The following ZZZ3 variants were observed in gnomAD, a reference collection of about 807,000 sequenced individuals.
ZZZ3 encodes ZZ-type zinc finger-containing protein 3.
Under a neutral mutation model 95.2 loss-of-function variants are expected in ZZZ3, and 22 were observed. The observed-to-expected ratio is 0.23, with a 90% CI of 0.17 to 0.33. The LOEUF is 0.33. ZZZ3 is among the 10% of genes least tolerant of loss of function. ZZZ3 has a pLI of 1.00. For missense variants in ZZZ3, 885 were observed against 1,066.5 expected (o/e 0.83, Z 2.37); for synonymous variants, 335 against 358.9 (o/e 0.93, Z 0.75).
At chr1:77,658,750 G>C (rs1469424656) in intron 1 of ZZZ3, among the ~76,000 whole-genome samples, 1 of 152,012 alleles carries the variant, frequency 6.6e-6, no homozygotes, top group African/African-American at 2.4e-5. Context: ...AGCTGCTTCT[G>C]ATATTATACT....
chr1:77,569,499 A>G (rs1661158676), intron 12 of ZZZ3, among the ~76,000 whole-genome samples: 1 of 152,200 alleles, frequency 6.6e-6, no homozygotes, highest in Admixed American at 6.5e-5. Flanking sequence ...AAGTATTAAC[A>G]TGCAAAATTT....
At chr1:77,650,119 G>A (rs1669670147) in intron 1 of ZZZ3, among the ~76,000 whole-genome samples, 1 of 151,820 alleles carries the variant, frequency 6.6e-6, no homozygotes, top group Admixed American at 6.6e-5. Context: ...AAAAGCAGAT[G>A]AACAGAGAAA....
Position 77,563,626 on chromosome 1 carries a change from T to C in ZZZ3, c.*2014A>G, listed in dbSNP as rs1660595217. 1 of 152,224 alleles carries C rather than the reference T, an allele frequency of 6.6e-6. No individual in the cohort carries two copies. 9.4% of individuals were successfully genotyped at this position (152,224 alleles called of 1,614,324 possible). The stretch of plus-strand genomic sequence containing the variant: ...GAATTTTTGAATGGATCTGAATGGC[T>C]TTCCAAAACTAACTGGTATTATTTC... On this transcript the variant is annotated 3_prime_UTR_variant, in exon 15 of 15. Coordinates refer to ENST00000370801, the MANE Select transcript of ZZZ3 (RefSeq NM_015534.6).
intron 5 of ZZZ3, among the ~76,000 whole-genome samples, chr1:77,631,149 G>T (rs1257184873): frequency 6.6e-6 from 1 of 152,118 alleles, no homozygotes; most frequent in Admixed American, 6.5e-5. Context: ...GAAAAATTTG[G>T]ATACAGAATT....
intron 5 of ZZZ3, among the ~76,000 whole-genome samples, chr1:77,593,644 C>A (rs899834842): frequency 6.6e-6 from 1 of 152,020 alleles, no homozygotes; most frequent in Non-Finnish European, 1.5e-5. Flanking sequence ...TATTTCTTAA[C>A]CTGGATAGTG....
intron 5 of ZZZ3, among the ~76,000 whole-genome samples, chr1:77,588,354 A>G (rs1663316352): frequency 6.6e-6 from 1 of 152,186 alleles, no homozygotes; most frequent in African/African-American, 2.4e-5. Flanking sequence ...GTGGAGCTGC[A>G]ATGTGAGGAA....
At position 77,632,561 on chromosome 1, in the gene ZZZ3, T is replaced by A. The variant is rs773572199; in HGVS notation, c.794A>T (p.Lys265Met). 1 of 1,614,188 alleles carries A rather than the reference T, an allele frequency of 6.2e-7. No homozygotes were observed. The highest frequency in any genetic ancestry group is 1.1e-5 in the South Asian group (1 of 91,076). The change falls in exon 5 of 15, where the codon AAG (lysine) becomes ATG (methionine). Residue 265 changes from lysine (K) to methionine (M), a missense_variant. Physicochemically the swap from Lys to Met is moderately conservative, Grantham distance 95. This residue lies in a region of ZZZ3 where 556 missense variants were observed against 652.9 expected (regional missense o/e 0.85). Transcript: ENST00000370801. ...CACTTGTGAATCTGTGCAAGGCACC[T>A]TATGGTCTATATAACTGTCCTCCTT... ...SRKEDSYIDH[K>M]VPCTDSQVQV...
At position 77,565,367 on chromosome 1, in the gene ZZZ3, C is replaced by T. The variant is rs767962188; in HGVS notation, c.*273G>A. 13 of 329,826 alleles carry T rather than the reference C, an allele frequency of 3.9e-5. No homozygotes were observed. The highest frequency in any genetic ancestry group is 3.2e-4 in the East Asian group (6 of 18,486). 20.4% of individuals were successfully genotyped at this position (329,826 alleles called of 1,614,324 possible). ...TTACTCTCTCTTTAATGTGTGCTCT[C>T]GTTCCATCTCACCCATTTAAGATCA... is the stretch of plus-strand genomic sequence containing the variant. On this transcript the variant is annotated 3_prime_UTR_variant, in exon 15 of 15. Coordinates refer to ENST00000370801, the MANE Select transcript of ZZZ3 (RefSeq NM_015534.6).
intron 4 of ZZZ3, among the ~76,000 whole-genome samples, chr1:77,634,366 G>A (rs2100860243): frequency 6.6e-6 from 1 of 151,816 alleles, no homozygotes; most frequent in Non-Finnish European, 1.5e-5. Flanking sequence ...ATAATAATCT[G>A]GCATCCAAAA....
chr1:77,656,657 T>G (rs1670294510), intron 1 of ZZZ3, among the ~76,000 whole-genome samples: 1 of 152,208 alleles, frequency 6.6e-6, no homozygotes, highest in African/African-American at 2.4e-5. Context: ...TTCTTGAATT[T>G]GTACTGTCTT....
In ZZZ3 at chr1:77,626,698, T is replaced by C. The variant is rs189762192; in HGVS notation, c.1505+5152A>G. Among the ~76,000 whole-genome samples the C allele has an allele frequency of 3.0e-3, 453 of 152,260 alleles. 3 individuals carry two copies. Among genetic ancestry groups the C allele is most frequent in the African/African-American group, 0.011 (439 of 41,544 alleles). On this transcript the variant is annotated intron_variant, in intron 5 of 14. Transcript: ENST00000370801. ...TAATCTTTGTGCCAGACCAGAGGGGTAAATCCGGCTATTATTCTACAGCCT... is the reference window on the plus strand; with the variant it reads ...TAATCTTTGTGCCAGACCAGAGGGGCAAATCCGGCTATTATTCTACAGCCT...
chr1:77,673,535 C>T (rs192465743), intron 1 of ZZZ3, among the ~76,000 whole-genome samples: 2 of 152,004 alleles, frequency 1.3e-5, no homozygotes, highest in African/African-American at 4.8e-5. Flanking sequence ...AGCTGGAGGT[C>T]GCAGTGAGCT....
At chr1:77,611,251 C>A (rs12039366) in intron 5 of ZZZ3, among the ~76,000 whole-genome samples, 72,975 of 113,020 alleles carry the variant, frequency 0.65, 23,316 homozygotes, top group Non-Finnish European at 0.74. Context: ...AAAAAAAAAA[C>A]AACCCACATG....
chr1:77,664,753 A>G (rs952356731), intron 1 of ZZZ3, among the ~76,000 whole-genome samples: 4 of 152,232 alleles, frequency 2.6e-5, no homozygotes, highest in Admixed American at 6.5e-5. Context: ...ATGGACAACA[A>G]AAAGTACCTT....
chr1:77,648,503 A>G (rs973482910), intron 1 of ZZZ3, among the ~76,000 whole-genome samples: 2 of 152,144 alleles, frequency 1.3e-5, no homozygotes. Context: ...AAAGCAGTAG[A>G]TGGATATATT....
rs1662219882 is a variant in ZZZ3, at chr1:77,578,792, T to C, written c.2160A>G (p.Leu720=). ...CTTTTACCTTTTTGGAGTATATATA[T>C]AAGTTTGGTGTTCTGCCTGGTACTG... ...GIPVPGRTPN[L]YIYSKKSSTS... Residue 720 remains leucine, a synonymous_variant, in exon 11 of 15, where the codon TTA becomes TTG. Coordinates refer to ENST00000370801, the MANE Select transcript of ZZZ3 (RefSeq NM_015534.6). The C allele has an allele frequency of 6.4e-7, 1 of 1,555,578 alleles. No individual in the cohort carries two copies. The highest frequency in any genetic ancestry group is 8.7e-7 in the Non-Finnish European group (1 of 1,155,632).
rs537564376 is a variant in ZZZ3, at chr1:77,635,774, C to T, written c.-51-2369G>A. 1.3e-4 allele frequency among the ~76,000 whole-genome samples: 20 copies of T among 152,202 alleles called. No individual in the cohort carries two copies. The East Asian group carries it at 3.7e-3, about 28-fold the overall frequency. On this transcript the variant is annotated intron_variant, in intron 4 of 14. Transcript: ENST00000370801. The stretch of plus-strand genomic sequence containing the variant: ...TACAAAAACTAGTAGGGCATGGTGG[C>T]ACATGCCTGTAATCCCAGCTACTCG...
At chr1:77,634,094 C>T (rs1018336165) in intron 4 of ZZZ3, among the ~76,000 whole-genome samples, 66 of 151,964 alleles carry the variant, frequency 4.3e-4, no homozygotes, top group Middle Eastern at 3.4e-3. Flanking sequence ...TACTTGAACC[C>T]GGGAGGCAGA....
chr1:77,675,713 C>A (rs1288353975), intron 1 of ZZZ3, among the ~76,000 whole-genome samples: 1 of 151,900 alleles, frequency 6.6e-6, no homozygotes, highest in Non-Finnish European at 1.5e-5. Context: ...ACATTAAAGC[C>A]ATTTAATAAA....
Sources: gnomAD v4.1 joint callset for allele counts (sites outside exome capture counted in the v4.1 genomes callset) on GRCh38, gnomAD v4.1.1 for gene constraint, gnomAD v4.1.1 regional missense constraint, MANE v1.5 for transcripts, NCBI Gene and HGNC (gene_info 2026-07-23, HGNC 2026-07-21) for gene names.